TASP1: variants seen among roughly 807,000 people sequenced by gnomAD.
TASP1 encodes threonine aspartase 1.
TASP1 carries 16 observed loss-of-function variants against 56.6 expected under a neutral mutation model. That is an observed-to-expected ratio of 0.28 (90% CI 0.19 to 0.43). The LOEUF is 0.43. Ranked by LOEUF, TASP1 falls within the 20% of genes least tolerant of loss-of-function variation. The probability of loss-of-function intolerance (pLI) is 1.00; values close to 1 mark genes in which losing one functional copy is unlikely to be tolerated. For missense variants in TASP1, 393 were observed against 511.6 expected (o/e 0.77, Z 2.24); for synonymous variants, 179 against 184.2 (o/e 0.97, Z 0.23).
the TASP1 span, among the ~76,000 whole-genome samples, chr20:13,178,708 G>T: frequency 6.6e-6 from 1 of 150,590 alleles, no homozygotes; most frequent in South Asian, 2.1e-4. Flanking sequence ...AAAAAAAGTT[G>T]ATCTTATAGA....
At chr20:13,116,955 G>T in the TASP1 span, among the ~76,000 whole-genome samples, 1 of 152,192 alleles carries the variant, frequency 6.6e-6, no homozygotes, top group African/African-American at 2.4e-5. Context: ...CTCGGTCTTT[G>T]ACTTGAAGTG....
the TASP1 span, chr20:13,117,579 G>A: frequency 6.2e-7 from 1 of 1,612,894 alleles, no homozygotes; most frequent in Non-Finnish European, 8.5e-7. Flanking sequence ...CCTCTACATA[G>A]ATGAAGCTCA....
chr20:13,311,255 A>AGATAGATGATAGAT, the TASP1 span, among the ~76,000 whole-genome samples: 2 of 132,510 alleles, frequency 1.5e-5, no homozygotes, highest in African/African-American at 6.0e-5. Context: ...ATAGATAGAT[A>AGATAGATGATAGAT]GATAGATAGA....
At chr20:13,517,420 A>G (rs921108484) in intron 10 of TASP1, among the ~76,000 whole-genome samples, 10 of 152,304 alleles carry the variant, frequency 6.6e-5, no homozygotes, top group African/African-American at 2.4e-4. Context: ...TGGAAGAATA[A>G]TAATACATAA....
the TASP1 span, among the ~76,000 whole-genome samples, chr20:13,301,735 T>C: frequency 5.3e-5 from 8 of 152,100 alleles, no homozygotes; most frequent in Non-Finnish European, 8.8e-5. Context: ...ATGGAATGCA[T>C]TGCCTTTGAG....
At chr20:13,571,874 C>T (rs1272329766) in intron 6 of TASP1, among the ~76,000 whole-genome samples, 1 of 152,134 alleles carries the variant, frequency 6.6e-6, no homozygotes, top group East Asian at 1.9e-4. Flanking sequence ...GAGGCTCCAG[C>T]CTCAGGGTCT....
At chr20:13,470,251 A>G (rs2044437490) in intron 11 of TASP1, among the ~76,000 whole-genome samples, 1 of 152,072 alleles carries the variant, frequency 6.6e-6, no homozygotes, top group African/African-American at 2.4e-5. Flanking sequence ...TTAAGCCTCA[A>G]TTTAAAAAGG....
At chr20:13,548,014 C>T in intron 8 of TASP1, among the ~76,000 whole-genome samples, 1 of 152,084 alleles carries the variant, frequency 6.6e-6, no homozygotes, top group East Asian at 1.9e-4. Context: ...AGGAGACAGG[C>T]AACATTCCCT....
At chr20:13,306,930 A>G in the TASP1 span, among the ~76,000 whole-genome samples, 1 of 152,278 alleles carries the variant, frequency 6.6e-6, no homozygotes, top group South Asian at 2.1e-4. Flanking sequence ...GGGATCCTAG[A>G]GAGTGGAGCC....
Position 13,587,483 on chromosome 20 carries a change from T to A in TASP1, c.283-113A>T. 3 of 817,078 alleles carry A rather than the reference T, an allele frequency of 3.7e-6. No homozygotes were observed. In the South Asian group the frequency reaches 5.9e-5, roughly 16 times the overall value. The allele number at this position is 817,078 out of a possible 1,614,324, so 50.6% of individuals were successfully genotyped here. On this transcript the variant is annotated intron_variant, in intron 4 of 13. Transcript: ENST00000337743. ...AGGTGAGAGAATACTTTCCAACACA[T>A]AGTATGATGCCAATACCACCCTGAT... is the stretch of plus-strand genomic sequence containing the variant.
intron 11 of TASP1, among the ~76,000 whole-genome samples, chr20:13,435,672 T>C (rs1320103029): frequency 2.0e-5 from 3 of 152,212 alleles, no homozygotes; most frequent in Non-Finnish European, 4.4e-5. Flanking sequence ...GATGAGAGTC[T>C]GGTGGTTAGA....
chr20:13,626,404 G>GC (rs2048889121), intron 2 of TASP1, among the ~76,000 whole-genome samples: 1 of 152,156 alleles, frequency 6.6e-6, no homozygotes, highest in African/African-American at 2.4e-5. Context: ...TCCAGCCTAC[G>GC]CAACAGAGTG....
chr20:13,381,051 C>T, the TASP1 span, among the ~76,000 whole-genome samples: 1 of 152,282 alleles, frequency 6.6e-6, no homozygotes, highest in South Asian at 2.1e-4. Flanking sequence ...CCACTTGGCT[C>T]CCTGGCTTCA....
chr20:13,448,079 T>C (rs1374057491), intron 11 of TASP1, among the ~76,000 whole-genome samples: 1 of 152,128 alleles, frequency 6.6e-6, no homozygotes, highest in Non-Finnish European at 1.5e-5. Context: ...CTTATCCATG[T>C]TTTCTATTTG....
chr20:13,632,327 T>C (rs2049123920), intron 1 of TASP1, among the ~76,000 whole-genome samples: 1 of 139,642 alleles, frequency 7.2e-6, no homozygotes, highest in Non-Finnish European at 1.5e-5. Context: ...ATCACGCCAC[T>C]GCACTCCGGC....
At chr20:13,253,248 C>T in the TASP1 span, among the ~76,000 whole-genome samples, 1 of 152,250 alleles carries the variant, frequency 6.6e-6, no homozygotes, top group East Asian at 1.9e-4. Flanking sequence ...TCTTATGTCA[C>T]TTGCTCAGTG....
intron 8 of TASP1, among the ~76,000 whole-genome samples, chr20:13,548,821 A>T (rs2045889672): frequency 6.6e-6 from 1 of 152,178 alleles, no homozygotes; most frequent in Non-Finnish European, 1.5e-5. Flanking sequence ...AGGAAGAACA[A>T]GCAATGATCT....
At chr20:13,111,774 C>A in the TASP1 span, among the ~76,000 whole-genome samples, 3 of 152,170 alleles carry the variant, frequency 2.0e-5, no homozygotes, top group Admixed American at 1.3e-4. Context: ...GCAGAGTAAA[C>A]AAAACCCAAC....
the TASP1 span, among the ~76,000 whole-genome samples, chr20:13,361,850 G>A: frequency 6.6e-6 from 1 of 152,024 alleles, no homozygotes. Flanking sequence ...AATAATCTTT[G>A]CTGGCAGGAC....
Sources: gnomAD v4.1 joint callset for allele counts (sites outside exome capture counted in the v4.1 genomes callset) on GRCh38, gnomAD v4.1.1 for gene constraint, MANE v1.5 for transcripts, NCBI Gene and HGNC (gene_info 2026-07-23, HGNC 2026-07-21) for gene names.